Variants in KHDRBS2 observed in about 807,000 individuals in gnomAD.
KHDRBS2 encodes KH domain-containing, RNA-binding, signal transduction-associated protein 2.
A neutral mutation model predicts 44.3 loss-of-function variants in KHDRBS2; 26 were observed. That is an observed-to-expected ratio of 0.59 (90% CI 0.43 to 0.81). The LOEUF (loss-of-function observed/expected upper bound fraction) is 0.81. Ranked by LOEUF, KHDRBS2 falls within the 40% of genes least tolerant of loss-of-function variation. KHDRBS2 has a pLI of 0.00. For synonymous variants in KHDRBS2, 194 were observed against 151.1 expected, an observed-to-expected ratio of 1.28 and a Z score of -2.08; for missense variants, 476 against 433.1, an observed-to-expected ratio of 1.10 and a Z score of -0.88.
At chr6:62,264,437 TTTA>T (rs1207703644) in intron 1 of KHDRBS2, among the ~76,000 whole-genome samples, 1 of 151,826 alleles carries the variant, frequency 6.6e-6, no homozygotes, top group Non-Finnish European at 1.5e-5. Flanking sequence ...TACATTCCAA[TTTA>T]AACAGAAAGC....
At chr6:61,885,496 G>T (rs1218592603) in intron 6 of KHDRBS2, among the ~76,000 whole-genome samples, 3 of 152,138 alleles carry the variant, frequency 2.0e-5, no homozygotes, top group Non-Finnish European at 4.4e-5. Flanking sequence ...CAATGGAATA[G>T]CAGTAAAACC....
intron 2 of KHDRBS2, among the ~76,000 whole-genome samples, chr6:62,087,387 T>A (rs1798595193): frequency 6.6e-6 from 1 of 150,824 alleles, no homozygotes; most frequent in African/African-American, 2.4e-5. Context: ...AAGGCAAAGA[T>A]TAGAAATAAA....
chr6:61,633,930 G>A, the KHDRBS2 span, among the ~76,000 whole-genome samples: 251 of 152,016 alleles, frequency 1.7e-3, 3 homozygotes, highest in Middle Eastern at 0.02. Context: ...TACCAAAATA[G>A]CATGCCATTG....
chr6:61,611,396 T>C, the KHDRBS2 span, among the ~76,000 whole-genome samples: 1 of 152,162 alleles, frequency 6.6e-6, no homozygotes, highest in Non-Finnish European at 1.5e-5. Flanking sequence ...AAGAAAAGGC[T>C]AAAGTAAATA....
chr6:62,185,526 C>T (rs1269017593), intron 1 of KHDRBS2, among the ~76,000 whole-genome samples: 3 of 151,922 alleles, frequency 2.0e-5, no homozygotes, highest in Non-Finnish European at 2.9e-5. Flanking sequence ...GCATAAGAGA[C>T]TGTCAGATCC....
the KHDRBS2 span, among the ~76,000 whole-genome samples, chr6:61,557,359 A>G: frequency 6.6e-6 from 1 of 152,360 alleles, no homozygotes; most frequent in African/African-American, 2.4e-5. Flanking sequence ...AGCGAAATAA[A>G]GTGTCCAGAA....
chr6:62,150,725 T>C (rs774525568), intron 2 of KHDRBS2, among the ~76,000 whole-genome samples: 21 of 152,330 alleles, frequency 1.4e-4, no homozygotes, highest in Middle Eastern at 3.4e-3. Flanking sequence ...TCAGTGTATA[T>C]GTTGTTTTTC....
At chr6:62,127,608 C>T (rs1219874920) in intron 2 of KHDRBS2, among the ~76,000 whole-genome samples, 2 of 151,874 alleles carry the variant, frequency 1.3e-5, no homozygotes, top group African/African-American at 4.8e-5. Flanking sequence ...TGAAACAACT[C>T]TTATCTAATA....
At chr6:61,895,683 G>C (rs537928103) in intron 5 of KHDRBS2, among the ~76,000 whole-genome samples, 1 of 152,022 alleles carries the variant, frequency 6.6e-6, no homozygotes, top group African/African-American at 2.4e-5. Flanking sequence ...TGAAGTCTTT[G>C]GGCAAAAGAA....
At chr6:61,772,787 C>T (rs1430509245) in intron 6 of KHDRBS2, among the ~76,000 whole-genome samples, 1 of 151,970 alleles carries the variant, frequency 6.6e-6, no homozygotes, top group Non-Finnish European at 1.5e-5. Flanking sequence ...CTATCCCTAC[C>T]CCCTACCCCA....
At chr6:61,574,836 A>T in the KHDRBS2 span, among the ~76,000 whole-genome samples, 1 of 152,086 alleles carries the variant, frequency 6.6e-6, no homozygotes, top group Non-Finnish European at 1.5e-5. Context: ...TGGAACTCAG[A>T]AATGGAGCTT....
At chr6:61,658,550 G>C in the KHDRBS2 span, among the ~76,000 whole-genome samples, 32 of 151,956 alleles carry the variant, frequency 2.1e-4, no homozygotes, top group East Asian at 5.3e-3. Flanking sequence ...TCCCCTGGTT[G>C]TTATCCATAG....
At chr6:61,939,259 A>G (rs1441838293) in intron 4 of KHDRBS2, among the ~76,000 whole-genome samples, 1 of 152,218 alleles carries the variant, frequency 6.6e-6, no homozygotes, top group Non-Finnish European at 1.5e-5. Context: ...TTATGTATAG[A>G]CACATTCAAG....
chr6:61,650,656 T>C, the KHDRBS2 span, among the ~76,000 whole-genome samples: 1 of 151,848 alleles, frequency 6.6e-6, no homozygotes, highest in Non-Finnish European at 1.5e-5. Flanking sequence ...ATGGGGACTA[T>C]GAATAGCCCT....
chr6:61,858,622 C>G (rs753521052), intron 6 of KHDRBS2, among the ~76,000 whole-genome samples: 1 of 151,840 alleles, frequency 6.6e-6, no homozygotes, highest in Non-Finnish European at 1.5e-5. Context: ...TCCGGCATAG[C>G]CAGGGTCATA....
intron 1 of KHDRBS2, among the ~76,000 whole-genome samples, chr6:62,189,947 G>T (rs1425255163): frequency 6.6e-6 from 1 of 152,126 alleles, no homozygotes; most frequent in African/African-American, 2.4e-5. Context: ...CTAAGGAAAA[G>T]GTTGGGGGTT....
the KHDRBS2 span, among the ~76,000 whole-genome samples, chr6:61,605,027 C>A: frequency 6.6e-6 from 1 of 152,136 alleles, no homozygotes; most frequent in African/African-American, 2.4e-5. Context: ...GTAGAATGGA[C>A]TAATGGTCTT....
At chr6:61,954,342 GATATACATATGTATGCATACAT>G (rs1380909703) in intron 4 of KHDRBS2, among the ~76,000 whole-genome samples, 1 of 114,438 alleles carries the variant, frequency 8.7e-6, no homozygotes, top group African/African-American at 4.2e-5. Context: ...TGTATAGATA[GATATACATATGTATGCATACAT>G]ATATACGTAT....
At chr6:61,962,738 T>A (rs1769027613) in intron 4 of KHDRBS2, among the ~76,000 whole-genome samples, 1 of 152,092 alleles carries the variant, frequency 6.6e-6, no homozygotes, top group Non-Finnish European at 1.5e-5. Flanking sequence ...AAAAATTATA[T>A]AGTCATGACT....
Sources: gnomAD v4.1 joint callset for allele counts (sites outside exome capture counted in the v4.1 genomes callset) on GRCh38, gnomAD v4.1.1 for gene constraint, MANE v1.5 for transcripts, NCBI Gene and HGNC (gene_info 2026-07-23, HGNC 2026-07-21) for gene names.